The following NECTIN3 variants were observed in gnomAD, a reference collection of about 807,000 sequenced individuals.
NECTIN3 encodes the protein nectin-3.
In NECTIN3, 8 loss-of-function variants were observed where a neutral mutation model predicts 49.4. The observed-to-expected ratio is 0.16, with a 90% CI of 0.10 to 0.29. The LOEUF (loss-of-function observed/expected upper bound fraction) is 0.29. Among genes scored for constraint, NECTIN3 ranks in the 10% least tolerant of loss-of-function variants. NECTIN3 has a pLI of 1.00. For synonymous variants in NECTIN3, 277 were observed against 241.1 expected, an observed-to-expected ratio of 1.15 and a Z score of -1.38; for missense variants, 581 against 654.6, an observed-to-expected ratio of 0.89 and a Z score of 1.23.
At chr3:111,087,820 C>T (rs940600616) in intron 1 of NECTIN3, among the ~76,000 whole-genome samples, 1 of 151,890 alleles carries the variant, frequency 6.6e-6, no homozygotes, top group African/African-American at 2.4e-5. Flanking sequence ...GCCTCAGTCT[C>T]CTGAGTAGCT....
intron 1 of NECTIN3, among the ~76,000 whole-genome samples, chr3:111,100,474 C>T (rs1196991651): frequency 6.6e-6 from 1 of 152,026 alleles, no homozygotes; most frequent in African/African-American, 2.4e-5. Flanking sequence ...GTGTATGAAA[C>T]ATAAATGAAT....
At chr3:111,075,773 A>G (rs2031144252) in intron 1 of NECTIN3, among the ~76,000 whole-genome samples, 1 of 152,142 alleles carries the variant, frequency 6.6e-6, no homozygotes, top group Admixed American at 6.6e-5. Context: ...CAATTGTATA[A>G]TTGTATGGAA....
chr3:111,139,461 A>G (rs950320217), downstream of NECTIN3, among the ~76,000 whole-genome samples: 1 of 151,754 alleles, frequency 6.6e-6, no homozygotes, highest in African/African-American at 2.4e-5. Context: ...CTGTAAATTG[A>G]TAGTGAGATC....
At chr3:111,104,774 AT>A (rs58150219) in intron 1 of NECTIN3, among the ~76,000 whole-genome samples, 1 of 152,050 alleles carries the variant, frequency 6.6e-6, no homozygotes, top group Non-Finnish European at 1.5e-5. Flanking sequence ...GAAGAGCAGA[AT>A]TTTTTTTATT....
At chr3:111,119,096 A>T in intron 3 of NECTIN3, 144 bp downstream of exon 3, 2 of 794,668 alleles carry the variant, frequency 2.5e-6, no homozygotes, top group Non-Finnish European at 3.8e-6. Context: ...TTTAACCAGA[A>T]CATTTTTAAT....
intron 7 of NECTIN3, among the ~76,000 whole-genome samples, chr3:111,172,466 T>A (rs2035452124): frequency 6.6e-6 from 1 of 152,218 alleles, no homozygotes; most frequent in Non-Finnish European, 1.5e-5. Context: ...TTGGATTTTG[T>A]TTTACAGAAC....
chr3:111,116,564 G>A (rs1437888725), intron 2 of NECTIN3, among the ~76,000 whole-genome samples: 3 of 151,970 alleles, frequency 2.0e-5, no homozygotes. Flanking sequence ...AGTTTCAATG[G>A]AGTGGTAGTA....
At chr3:111,093,239 A>G (rs547957497) in intron 1 of NECTIN3, among the ~76,000 whole-genome samples, 1 of 152,240 alleles carries the variant, frequency 6.6e-6, no homozygotes, top group East Asian at 1.9e-4. Flanking sequence ...AGCACTGTTC[A>G]CATTAAAGGA....
intron 7 of NECTIN3, among the ~76,000 whole-genome samples, chr3:111,151,395 TATA>T (rs63216260): frequency 0.028 from 4,283 of 152,030 alleles, 219 homozygotes; most frequent in African/African-American, 0.098. Context: ...TGTCAGTGTC[TATA>T]ATATCACTGT....
At chr3:111,171,693 G>A (rs368057460) in intron 7 of NECTIN3, among the ~76,000 whole-genome samples, 95 of 151,066 alleles carry the variant, frequency 6.3e-4, no homozygotes, top group African/African-American at 2.3e-3. Flanking sequence ...TACTGCACAT[G>A]TGGGTGGGAC....
At chr3:111,081,384 C>G (rs2031596575) in intron 1 of NECTIN3, among the ~76,000 whole-genome samples, 1 of 152,194 alleles carries the variant, frequency 6.6e-6, no homozygotes, top group African/African-American at 2.4e-5. Context: ...AGTCTTTGCC[C>G]TTAAGAAATG....
chr3:111,146,162 C>T (rs934084589), intron 6 of NECTIN3, among the ~76,000 whole-genome samples: 5 of 152,114 alleles, frequency 3.3e-5, no homozygotes, highest in Non-Finnish European at 7.4e-5. Flanking sequence ...CGGCCGAGCG[C>T]GGTGGCTCAC....
intron 1 of NECTIN3, chr3:111,077,381 A>G (rs979978371): frequency 7.6e-6 from 2 of 264,308 alleles, no homozygotes; most frequent in Non-Finnish European, 1.5e-5. Context: ...CTTGTTCTTA[A>G]ATAGGTTGGC....
chr3:111,148,817 T>A (rs2034938250), intron 7 of NECTIN3, among the ~76,000 whole-genome samples: 1 of 152,090 alleles, frequency 6.6e-6, no homozygotes, highest in Non-Finnish European at 1.5e-5. Context: ...TCATCTCTTA[T>A]TTTTTAACCT....
intron 1 of NECTIN3, among the ~76,000 whole-genome samples, chr3:111,075,814 G>A (rs757690134): frequency 6.6e-6 from 1 of 152,104 alleles, no homozygotes; most frequent in Non-Finnish European, 1.5e-5. Flanking sequence ...ATGATGTCCA[G>A]TGCATTTTAA....
At chr3:111,093,409 TTTTTTTATTTTGTTGGG>T (rs1160341545) in intron 1 of NECTIN3, among the ~76,000 whole-genome samples, 1 of 138,348 alleles carries the variant, frequency 7.2e-6, no homozygotes, top group Non-Finnish European at 1.6e-5. Context: ...ATGTGTGTGG[TTTTTTTATTTTGTTGGG>T]TTTTTTTTTT....
chr3:111,106,790 C>G (rs1050679281), intron 1 of NECTIN3, among the ~76,000 whole-genome samples: 7 of 152,110 alleles, frequency 4.6e-5, no homozygotes, highest in African/African-American at 1.7e-4. Flanking sequence ...TAGAGATTTT[C>G]AAAGGTGGTG....
intron 1 of NECTIN3, among the ~76,000 whole-genome samples, chr3:111,092,153 T>A (rs2032308230): frequency 1.3e-5 from 2 of 152,248 alleles, no homozygotes; most frequent in African/African-American, 4.8e-5. Flanking sequence ...ATTTTTATAA[T>A]TGACCTGTAA....
upstream of NECTIN3, among the ~76,000 whole-genome samples, chr3:111,190,912 G>C (rs1029551647): frequency 6.6e-6 from 1 of 152,160 alleles, no homozygotes; most frequent in African/African-American, 2.4e-5. Flanking sequence ...TAGGAGTAAA[G>C]AGATTAACTT....
Sources: gnomAD v4.1 joint callset for allele counts (sites outside exome capture counted in the v4.1 genomes callset) on GRCh38, gnomAD v4.1.1 for gene constraint, MANE v1.5 for transcripts, NCBI Gene and HGNC (gene_info 2026-07-23, HGNC 2026-07-21) for gene names.